The following TDRD12 variants were observed in gnomAD, a reference collection of about 807,000 sequenced individuals.
TDRD12 encodes putative ATP-dependent RNA helicase TDRD12.
A neutral mutation model predicts 133.5 loss-of-function variants in TDRD12; 158 were observed. The observed-to-expected ratio is 1.18, with a 90% CI of 1.04 to 1.35. The LOEUF is 1.35. Among genes scored for constraint, TDRD12 ranks in the 40% most tolerant of loss-of-function variants. TDRD12 has a pLI of 0.00. For missense variants in TDRD12, 1,443 were observed against 1,321.3 expected (o/e 1.09, Z -1.43); for synonymous variants, 460 against 477.9 (o/e 0.96, Z 0.49).
At chr19:32,825,118 C>T (rs771830824), downstream of TDRD12, among the ~76,000 whole-genome samples, 3 of 152,174 alleles carry the variant, frequency 2.0e-5, no homozygotes, top group Non-Finnish European at 4.4e-5. The surrounding 1 kb of genome is among the most constrained non-coding windows in gnomAD (Gnocchi z 4.1). Flanking sequence ...GGATTGTGCT[C>T]TCCAAGGTTC....
In TDRD12 at chr19:32,777,080, A is replaced by G. The variant is rs974037045; in HGVS notation, c.1041-69A>G. Reference sequence around the variant, plus strand: ...TTTTTATTTTTTTATTTTTGTCGAGATGGGGACTCACTGTGTTGCCCAGGC... The same window carrying G: ...TTTTTATTTTTTTATTTTTGTCGAGGTGGGGACTCACTGTGTTGCCCAGGC... On this transcript the variant is annotated intron_variant, in intron 10 of 27. Transcript: ENST00000444215. The G allele has an allele frequency of 3.7e-5, 36 of 968,724 alleles. No homozygotes were observed. The African/African-American group carries it at 5.4e-4, about 14-fold the overall frequency. The allele number at this position is 968,724 out of a possible 1,614,324, so 60.0% of individuals were successfully genotyped here. A position where few individuals can be genotyped will look rare whatever the true frequency, so the allele number is the denominator to read the frequency against.
intron 6 of TDRD12, among the ~76,000 whole-genome samples, chr19:32,752,909 C>G (rs1455586068): frequency 6.6e-6 from 1 of 151,274 alleles, no homozygotes; most frequent in African/African-American, 2.4e-5. Flanking sequence ...TCTCCTGCCT[C>G]AACCTCCCGA....
chr19:32,792,033 G>C (rs1971088499), intron 13 of TDRD12, among the ~76,000 whole-genome samples: 1 of 151,884 alleles, frequency 6.6e-6, no homozygotes, highest in African/African-American at 2.4e-5. Flanking sequence ...ATAACCTGAG[G>C]TCAAGAGTTT....
Position 32,773,400 on chromosome 19 carries a change from T to C in TDRD12, c.964-56T>C, listed in dbSNP as rs1178213888. 5.5e-6 allele frequency: 8 copies of C among 1,456,806 alleles called. No homozygotes were observed. In the Admixed American group the frequency reaches 1.2e-4, roughly 22 times the overall value. The allele number at this position is 1,456,806 out of a possible 1,614,324, so 90.2% of individuals were successfully genotyped here. A position where few individuals can be genotyped will look rare whatever the true frequency, so the allele number is the denominator to read the frequency against. On this transcript the variant is annotated intron_variant, in intron 9 of 27. Coordinates refer to ENST00000444215, the Ensembl canonical transcript of TDRD12. ...CCATGGAATTTTGGTTCCAAAAGAA[T>C]GTATATTATGTTGCTAGCATACACA... is the stretch of plus-strand genomic sequence containing the variant.
chr19:32,739,291 T>C (rs1223598343), intron 3 of TDRD12, among the ~76,000 whole-genome samples: 1 of 151,616 alleles, frequency 6.6e-6, no homozygotes, highest in Non-Finnish European at 1.5e-5. Flanking sequence ...CTGCATCTCC[T>C]GGCTACTCTC....
chr19:32,821,255 A>G (rs1354550423), exon 28 of TDRD12: 3 of 904,720 alleles, frequency 3.3e-6, no homozygotes, highest in Admixed American at 5.1e-5. Flanking sequence ...ATAAACTGAT[A>G]TCACCTAACT....
intron 1 of TDRD12, among the ~76,000 whole-genome samples, chr19:32,721,424 T>C (rs142851150): frequency 0.015 from 2,279 of 152,248 alleles, 33 homozygotes; most frequent in South Asian, 0.044. Context: ...TCGCTCTTGT[T>C]GTCTAGGCTG....
chr19:32,742,316 C>G (rs1014288865), intron 3 of TDRD12, among the ~76,000 whole-genome samples: 1 of 152,100 alleles, frequency 6.6e-6, no homozygotes, highest in African/African-American at 2.4e-5. Flanking sequence ...ACCACCACGC[C>G]CACCTAATTT....
chr19:32,806,682 G>A (rs1298977136), intron 21 of TDRD12, among the ~76,000 whole-genome samples: 2 of 150,450 alleles, frequency 1.3e-5, no homozygotes, highest in African/African-American at 4.9e-5. Flanking sequence ...TTTAGAGATG[G>A]AGTCTTGCTC....
chr19:32,810,552 G>C (rs1256094347), intron 23 of TDRD12, among the ~76,000 whole-genome samples: 1 of 152,100 alleles, frequency 6.6e-6, no homozygotes, highest in East Asian at 1.9e-4. Context: ...CTATCAAGTG[G>C]GCATCATTCC....
chr19:32,807,267 TAAAAAAAAAA>T (rs59421213), intron 21 of TDRD12, among the ~76,000 whole-genome samples: 58 of 47,202 alleles, frequency 1.2e-3, no homozygotes, highest in African/African-American at 2.5e-3. Context: ...ACCAAACTCT[TAAAAAAAAAA>T]AAAAAAAAAA....
At chr19:32,825,077 C>T (rs540865888), downstream of TDRD12, among the ~76,000 whole-genome samples, 1 of 152,278 alleles carries the variant, frequency 6.6e-6, no homozygotes, top group South Asian at 2.1e-4. This position sits in a 1 kb window ranked among gnomAD's most constrained non-coding sequence, Gnocchi z 4.1. Flanking sequence ...CCCCGGGTTT[C>T]CTCTGCTCGC....
At chr19:32,798,246 A>G in intron 15 of TDRD12, 62 bp from the exon 16 acceptor site, 1 of 1,481,940 alleles carries the variant, frequency 6.7e-7, no homozygotes, top group Non-Finnish European at 9.1e-7. Flanking sequence ...GACTCTTAGC[A>G]GAGGAAATCT....
At chr19:32,723,702 G>A in intron 1 of TDRD12, among the ~76,000 whole-genome samples, 1 of 148,584 alleles carries the variant, frequency 6.7e-6, no homozygotes, top group Non-Finnish European at 1.5e-5. Flanking sequence ...GAATGGAGTT[G>A]TATTTATAGA....
intron 11 of TDRD12, among the ~76,000 whole-genome samples, chr19:32,778,804 C>T (rs1427466625): frequency 6.6e-6 from 1 of 152,154 alleles, no homozygotes; most frequent in Non-Finnish European, 1.5e-5. Flanking sequence ...CCGGATGACC[C>T]TGGAACATTC....
At chr19:32,741,691 G>A (rs756435703) in intron 3 of TDRD12, among the ~76,000 whole-genome samples, 1 of 152,176 alleles carries the variant, frequency 6.6e-6, no homozygotes, top group Non-Finnish European at 1.5e-5. Context: ...TGGCCAGGCT[G>A]CCCAGACAAG....
intron 1 of TDRD12, among the ~76,000 whole-genome samples, chr19:32,726,736 C>T (rs1410254114): frequency 6.6e-6 from 1 of 151,946 alleles, no homozygotes; most frequent in African/African-American, 2.4e-5. Flanking sequence ...GACCCTGTCT[C>T]TTAAAAAAAC....
intron 11 of TDRD12, among the ~76,000 whole-genome samples, chr19:32,781,405 T>A (rs866516461): frequency 1.3e-5 from 2 of 152,368 alleles, no homozygotes; most frequent in Middle Eastern, 3.4e-3. Context: ...TGAGATTCTC[T>A]GCATCTTTCT....
chr19:32,729,778 C>CTTTTTTTTTTTTTTT lies in TDRD12; in HGVS notation c.25-1933_25-1919dup, dbSNP rs1162347194. ...TTTCTGGTGACTACTTTTTCTTTTTCTTTTTTTTTTTTTTTTTTTTTTTTT... is the reference window on the plus strand; with the variant it reads ...TTTCTGGTGACTACTTTTTCTTTTTCTTTTTTTTTTTTTTTTTTTTTTTTTTTTTTTTTTTTTTTT... On this transcript the variant is annotated intron_variant, in intron 1 of 27. Transcript: ENST00000444215. Among the ~76,000 whole-genome samples the CTTTTTTTTTTTTTTT allele has an allele frequency of 1.7e-3, 123 of 73,692 alleles. 2 individuals carry two copies. Among genetic ancestry groups the CTTTTTTTTTTTTTTT allele is most frequent in the Middle Eastern group, 0.012 (1 of 86 alleles). The allele number at this position is 73,692 out of a possible 152,430, so 48.3% of individuals were successfully genotyped here.
Sources: gnomAD v4.1 joint callset for allele counts (sites outside exome capture counted in the v4.1 genomes callset) on GRCh38, gnomAD v4.1.1 for gene constraint, Gnocchi (gnomAD v3.1) non-coding constraint, MANE v1.5 for transcripts, NCBI Gene and HGNC (gene_info 2026-07-23, HGNC 2026-07-21) for gene names.